LPP: variants seen among roughly 807,000 people sequenced by gnomAD.
LPP encodes LIM domain containing preferred translocation partner in lipoma.
A neutral mutation model predicts 60.4 loss-of-function variants in LPP; 38 were observed. That is an observed-to-expected ratio of 0.63 (90% CI 0.49 to 0.83). LPP has a LOEUF of 0.83. Among genes scored for constraint, LPP ranks in the 40% least tolerant of loss-of-function variants. The pLI is 0.00. For synonymous variants in LPP, 328 were observed against 290.8 expected (o/e 1.13, Z -1.30); for missense variants, 902 against 783.6 (o/e 1.15, Z -1.80).
rs191082123 is a variant in LPP at position 188,387,826 on chromosome 3, A to G, written c.-9-18286A>G. On this transcript the variant is annotated intron_variant, in intron 3 of 11. Transcript: ENST00000617246. ...GTAATTCACCTGCCTTGGCCTCCCA[A>G]AGTGCTGGGATTACAGGCATGAGCC... is the stretch of plus-strand genomic sequence containing the variant. Among the ~76,000 whole-genome samples, 90 of 152,234 alleles carry G rather than the reference A, an allele frequency of 5.9e-4. 1 individual carries two copies. In the East Asian group the frequency reaches 0.015, roughly 25 times the overall value.
chr3:188,559,759 G>C (rs1183998032), intron 6 of LPP, among the ~76,000 whole-genome samples: 2 of 152,018 alleles, frequency 1.3e-5, no homozygotes, highest in Admixed American at 1.3e-4. Flanking sequence ...CTTTTAAAAA[G>C]CTACCCAGAA....
intron 8 of LPP, among the ~76,000 whole-genome samples, chr3:188,722,410 T>G (rs1716792653): frequency 6.6e-6 from 1 of 152,182 alleles, no homozygotes; most frequent in South Asian, 2.1e-4. Context: ...ACAGCAGTAA[T>G]AAAAATGAAT....
chr3:188,790,821 C>CAAAA (rs11433572), intron 9 of LPP, among the ~76,000 whole-genome samples: 1 of 146,382 alleles, frequency 6.8e-6, no homozygotes, highest in Non-Finnish European at 1.5e-5. Context: ...ACTCTGTCTC[C>CAAAA]AAAAAAAAAA....
At chr3:188,794,949 A>G (rs1416857026) in intron 9 of LPP, among the ~76,000 whole-genome samples, 2 of 152,142 alleles carry the variant, frequency 1.3e-5, no homozygotes, top group African/African-American at 4.8e-5. Flanking sequence ...CAACCTGGCC[A>G]ACACGGTGAA....
intron 1 of LPP, among the ~76,000 whole-genome samples, chr3:188,168,893 A>G (rs1234423049): frequency 6.6e-6 from 1 of 152,256 alleles, no homozygotes; most frequent in Admixed American, 6.5e-5. Flanking sequence ...ATTAACATTC[A>G]GCAAACTATC....
intron 3 of LPP, among the ~76,000 whole-genome samples, chr3:188,364,443 AT>A (rs1169921200): frequency 6.6e-6 from 1 of 152,178 alleles, no homozygotes; most frequent in Non-Finnish European, 1.5e-5. Flanking sequence ...TTCTACACTT[AT>A]GGGGTTTCCT....
chr3:188,611,180 A>G (rs969407198), intron 7 of LPP, among the ~76,000 whole-genome samples: 3 of 152,182 alleles, frequency 2.0e-5, no homozygotes, highest in African/African-American at 7.2e-5. Context: ...AGAGCTGGAG[A>G]AATCCTATAG....
intron 6 of LPP, among the ~76,000 whole-genome samples, chr3:188,575,512 G>A (rs1467034996): frequency 6.6e-6 from 1 of 152,054 alleles, no homozygotes; most frequent in African/African-American, 2.4e-5. Context: ...TTTCTGAAAT[G>A]GTACAGCTAG....
At chr3:188,313,295 A>C (rs1333372497) in intron 2 of LPP, among the ~76,000 whole-genome samples, 1 of 147,982 alleles carries the variant, frequency 6.8e-6, no homozygotes, top group Non-Finnish European at 1.5e-5. Flanking sequence ...TTTTTCAGAA[A>C]ATTTCTGGCT....
At chr3:188,295,902 A>C (rs1419445933) in intron 2 of LPP, among the ~76,000 whole-genome samples, 2 of 151,930 alleles carry the variant, frequency 1.3e-5, no homozygotes, top group Non-Finnish European at 2.9e-5. Flanking sequence ...GGCAGTGAAG[A>C]TAGAACAGTC....
intron 9 of LPP, among the ~76,000 whole-genome samples, chr3:188,825,701 A>AT (rs894334437): frequency 2.0e-5 from 3 of 151,916 alleles, no homozygotes; most frequent in Admixed American, 2.0e-4. Context: ...AACCTTTACC[A>AT]TGGGTACCTA....
intron 8 of LPP, among the ~76,000 whole-genome samples, chr3:188,716,161 T>G (rs1405401509): frequency 1.3e-5 from 2 of 152,180 alleles, no homozygotes; most frequent in Admixed American, 6.5e-5. Flanking sequence ...TTTTTGAGAA[T>G]TTTTGCAGAA....
chr3:188,642,678 T>C (rs1414274484), intron 7 of LPP, among the ~76,000 whole-genome samples: 3 of 152,100 alleles, frequency 2.0e-5, no homozygotes, highest in Non-Finnish European at 2.9e-5. Context: ...GGCTCACACT[T>C]GTAATCCCAG....
At chr3:188,224,638 G>T (rs1454525402) in intron 1 of LPP, among the ~76,000 whole-genome samples, 2 of 152,162 alleles carry the variant, frequency 1.3e-5, no homozygotes, top group African/African-American at 2.4e-5. Flanking sequence ...CTTCTGGGAA[G>T]ACCTCAGGGA....
intron 7 of LPP, among the ~76,000 whole-genome samples, chr3:188,701,398 T>C (rs1025602537): frequency 1.3e-5 from 2 of 152,212 alleles, no homozygotes; most frequent in South Asian, 2.1e-4. Context: ...AAAATCTTTA[T>C]TTTAAGAAGG....
intron 10 of LPP, among the ~76,000 whole-genome samples, chr3:188,871,373 G>A (rs931717213): frequency 1.3e-5 from 2 of 152,150 alleles, no homozygotes; most frequent in African/African-American, 4.8e-5. Flanking sequence ...GATTACTGCT[G>A]CAGTGGTACC....
intron 1 of LPP, among the ~76,000 whole-genome samples, chr3:188,166,463 G>A (rs905869818): frequency 1.3e-5 from 2 of 152,230 alleles, no homozygotes; most frequent in Non-Finnish European, 2.9e-5. Flanking sequence ...CATCCACATA[G>A]CATAATACTT....
At chr3:188,221,018 A>G (rs1715581259) in intron 1 of LPP, among the ~76,000 whole-genome samples, 1 of 152,150 alleles carries the variant, frequency 6.6e-6, no homozygotes, top group Admixed American at 6.5e-5. Flanking sequence ...CCGAAACGCA[A>G]CACCTATGGC....
chr3:188,206,640 G>T (rs1357497759), intron 1 of LPP, among the ~76,000 whole-genome samples: 1 of 152,200 alleles, frequency 6.6e-6, no homozygotes, highest in Non-Finnish European at 1.5e-5. Flanking sequence ...TAGTTATGTG[G>T]AGAGGATTTC....
Sources: gnomAD v4.1 joint callset for allele counts (sites outside exome capture counted in the v4.1 genomes callset) on GRCh38, gnomAD v4.1.1 for gene constraint, MANE v1.5 for transcripts, NCBI Gene and HGNC (gene_info 2026-07-23, HGNC 2026-07-21) for gene names.